Variants in RBFOX1 observed in about 807,000 individuals in gnomAD.
RBFOX1 encodes RNA binding fox-1 homolog 1.
A neutral mutation model predicts 57.7 loss-of-function variants in RBFOX1; 8 were observed. The ratio of observed to expected loss-of-function variants is 0.14; its 90% confidence interval spans 0.08 to 0.25. The LOEUF (loss-of-function observed/expected upper bound fraction) is 0.25. Among genes scored for constraint, RBFOX1 ranks in the 10% least tolerant of loss-of-function variants. RBFOX1 has a pLI of 1.00. For missense variants in RBFOX1, 611 were observed against 548.5 expected (o/e 1.11, Z -1.14); for synonymous variants, 326 against 222.4 (o/e 1.47, Z -4.15).
At chr16:7,352,794 C>T (rs897604887) in intron 4 of RBFOX1, among the ~76,000 whole-genome samples, 6 of 152,142 alleles carry the variant, frequency 3.9e-5, no homozygotes, top group African/African-American at 2.4e-5. Flanking sequence ...TGGCTCACTG[C>T]AGCTTCGACC....
intron 3 of RBFOX1, among the ~76,000 whole-genome samples, chr16:5,687,205 G>T (rs1596755698): frequency 6.6e-6 from 1 of 152,142 alleles, no homozygotes; most frequent in Non-Finnish European, 1.5e-5. Flanking sequence ...GACAATTAAG[G>T]TTGAATGTGA....
chr16:7,059,205 C>G (rs118085532), intron 4 of RBFOX1, among the ~76,000 whole-genome samples: 18 of 152,278 alleles, frequency 1.2e-4, no homozygotes, highest in African/African-American at 4.3e-4. Flanking sequence ...CTGTGTCTCA[C>G]CCCTCTCCAC....
chr16:6,260,750 G>T (rs61090178), intron 1 of RBFOX1, among the ~76,000 whole-genome samples: 20,376 of 151,912 alleles, frequency 0.13, 2,062 homozygotes, highest in African/African-American at 0.27. Flanking sequence ...GCGTGGTTGT[G>T]CACACCTGTA....
chr16:7,650,852 A>G (rs1001502181), intron 11 of RBFOX1, among the ~76,000 whole-genome samples: 1 of 152,166 alleles, frequency 6.6e-6, no homozygotes, highest in Admixed American at 6.6e-5. Context: ...AGTCAAGGCC[A>G]TTCCCACTCA....
chr16:6,174,475 G>C (rs573640282), intron 1 of RBFOX1, among the ~76,000 whole-genome samples: 1 of 152,240 alleles, frequency 6.6e-6, no homozygotes, highest in South Asian at 2.1e-4. Context: ...CGTGCCTGTA[G>C]TCCCAACTAT....
At chr16:7,479,500 G>A (rs2063449362) in intron 4 of RBFOX1, among the ~76,000 whole-genome samples, 1 of 152,126 alleles carries the variant, frequency 6.6e-6, no homozygotes, top group African/African-American at 2.4e-5. Flanking sequence ...GACACCTGAA[G>A]TCCCTTGAGC....
chr16:5,249,708 C>G (rs1265996234), intron 1 of RBFOX1, among the ~76,000 whole-genome samples: 1 of 152,212 alleles, frequency 6.6e-6, no homozygotes, highest in Non-Finnish European at 1.5e-5. Flanking sequence ...GTGGCTCACA[C>G]CTGTATTCCC....
At chr16:6,835,007 C>G (rs985745028) in intron 3 of RBFOX1, among the ~76,000 whole-genome samples, 1 of 151,748 alleles carries the variant, frequency 6.6e-6, no homozygotes, top group Non-Finnish European at 1.5e-5. Context: ...ATTCTCCTGC[C>G]TCAGCCTCCT....
At chr16:6,773,583 ATTTG>A (rs2078805353) in intron 3 of RBFOX1, among the ~76,000 whole-genome samples, 1 of 82,196 alleles carries the variant, frequency 1.2e-5, no homozygotes, top group East Asian at 4.5e-4. Context: ...TGTGGGGTGC[ATTTG>A]TGTGTGTGTG....
intron 3 of RBFOX1, among the ~76,000 whole-genome samples, chr16:6,984,888 G>A (rs1033770716): frequency 1.3e-5 from 2 of 152,024 alleles, no homozygotes; most frequent in East Asian, 3.9e-4. Flanking sequence ...TGATCCACCT[G>A]CCTCAGCCTC....
intron 3 of RBFOX1, among the ~76,000 whole-genome samples, chr16:6,664,454 G>T (rs989983483): frequency 6.6e-6 from 1 of 152,214 alleles, no homozygotes; most frequent in African/African-American, 2.4e-5. Flanking sequence ...TGTATCTACA[G>T]ATCTGCCTCA....
intron 3 of RBFOX1, among the ~76,000 whole-genome samples, chr16:7,034,946 T>C (rs534744717): frequency 6.8e-6 from 1 of 146,658 alleles, no homozygotes; most frequent in Non-Finnish European, 1.5e-5. Context: ...CCTCCCCGGT[T>C]CTATCGATTC....
intron 3 of RBFOX1, among the ~76,000 whole-genome samples, chr16:6,939,006 C>CT (rs1483380752): frequency 6.6e-6 from 1 of 152,120 alleles, no homozygotes; most frequent in Non-Finnish European, 1.5e-5. Context: ...CTTGTAGTCA[C>CT]TTTCCTTAGA....
downstream of RBFOX1, among the ~76,000 whole-genome samples, chr16:5,602,366 T>C (rs1192523800): frequency 3.9e-5 from 6 of 152,344 alleles, no homozygotes; most frequent in Admixed American, 3.3e-4. Flanking sequence ...AAGGAAATGA[T>C]TGTAGTAGCA....
At chr16:6,337,075 G>C (rs548173447) in intron 2 of RBFOX1, among the ~76,000 whole-genome samples, 1 of 152,212 alleles carries the variant, frequency 6.6e-6, no homozygotes, top group African/African-American at 2.4e-5. Context: ...AGAGTTCAGA[G>C]CACTTTATAT....
chr16:7,106,479 C>G (rs2063604754), intron 4 of RBFOX1, among the ~76,000 whole-genome samples: 1 of 152,044 alleles, frequency 6.6e-6, no homozygotes, highest in Non-Finnish European at 1.5e-5. Context: ...GAACTTAAGT[C>G]TTTGGGATTC....
intron 4 of RBFOX1, among the ~76,000 whole-genome samples, chr16:7,177,718 C>G (rs866297318): frequency 6.6e-6 from 1 of 152,106 alleles, no homozygotes; most frequent in Admixed American, 6.6e-5. Flanking sequence ...CTGTGAGGAG[C>G]CAGGTCATAA....
At chr16:5,539,397 A>G (rs886984539) in intron 2 of RBFOX1, among the ~76,000 whole-genome samples, 1 of 151,994 alleles carries the variant, frequency 6.6e-6, no homozygotes, top group Non-Finnish European at 1.5e-5. Context: ...ATTGGAGACC[A>G]GCCTGGCCAA....
exon 3 of RBFOX1, chr16:5,599,524 C>A: frequency 2.5e-6 from 1 of 392,294 alleles, no homozygotes; most frequent in Non-Finnish European, 4.5e-6. Flanking sequence ...ATCACTCATG[C>A]ACCGCCTCTC....
Sources: gnomAD v4.1 joint callset for allele counts (sites outside exome capture counted in the v4.1 genomes callset) on GRCh38, gnomAD v4.1.1 for gene constraint, MANE v1.5 for transcripts, NCBI Gene and HGNC (gene_info 2026-07-23, HGNC 2026-07-21) for gene names.